ASDURF: variants seen among roughly 807,000 people sequenced by gnomAD.
The protein encoded by ASDURF is ASDURF protein.
In ASDURF, 3 loss-of-function variants were observed where a neutral mutation model predicts 3.3. The ratio of observed to expected loss-of-function variants is 0.92; its 90% CI spans 0.42 to 2.37. The LOEUF (loss-of-function observed/expected upper bound fraction) is 2.37, where lower values mean the gene tolerates loss of function less well. Ranked by LOEUF, ASDURF falls within the 30% of genes most tolerant of loss-of-function variation. The pLI, the probability that ASDURF is intolerant of heterozygous loss-of-function variation, is 0.05. For missense variants in ASDURF, 23 were observed against 25.4 expected, an observed-to-expected ratio of 0.90 and a Z score of 0.21; for synonymous variants, 11 against 8.3, an observed-to-expected ratio of 1.32 and a Z score of -0.55.
chr2:189,664,009 A>G (rs1335676308), intron 2 of ASDURF, 55 bp downstream of exon 2: 14 of 374,008 alleles, frequency 3.7e-5, no homozygotes, highest in Admixed American at 2.3e-4. Flanking sequence ...TATGTTAACT[A>G]TATATTAAAG....
At position 189,665,644 on chromosome 2, in the gene ASDURF, A is replaced by ATATATG. The variant is rs1455945789; in HGVS notation, c.220+196_220+197insATGTAT. ...TATATATATATATATATATATATATATATTATAAATGTTTTAGAAAGCAAT... is the reference window on the plus strand; with the variant it reads ...TATATATATATATATATATATATATATATATGTATTATAAATGTTTTAGAAAGCAAT... On this transcript the variant is annotated intron_variant, in intron 3 of 3. Transcript: ENST00000607829. Among the ~76,000 whole-genome samples the ATATATG allele has an allele frequency of 1.9e-4, 23 of 123,746 alleles. 1 individual carries two copies. Among genetic ancestry groups the ATATATG allele is most frequent in the East Asian group, 7.2e-4 (3 of 4,178 alleles). The allele number at this position is 123,746 out of a possible 152,430, so 81.2% of individuals were successfully genotyped here. A position where few individuals can be genotyped will look rare whatever the true frequency, so the allele number is the denominator to read the frequency against.
chr2:189,665,610 A>ATATATATACATATATATATATG (rs2032776203), intron 3 of ASDURF, among the ~76,000 whole-genome samples, 159 bp downstream of exon 3: 2 of 20,258 alleles, frequency 9.9e-5, no homozygotes, highest in African/African-American at 1.7e-4. Flanking sequence ...ATATATATAT[A>ATATATATACATATATATATATG]TATATATATA....
intron 1 of ASDURF, among the ~76,000 whole-genome samples, chr2:189,662,531 G>A (rs192622729): frequency 1.3e-5 from 2 of 152,228 alleles, no homozygotes; most frequent in Admixed American, 1.3e-4. Context: ...CTCTGCCAAC[G>A]GGGGAGACAG....
chr2:189,665,559 T>G, intron 3 of ASDURF, 108 bp downstream of exon 3: 1 of 303,870 alleles, frequency 3.3e-6, no homozygotes. Flanking sequence ...TTCTTCAAAT[T>G]AGGCTTCCGA....
At chr2:189,662,827 T>C (rs1188631237) in intron 1 of ASDURF, among the ~76,000 whole-genome samples, 1 of 151,840 alleles carries the variant, frequency 6.6e-6, no homozygotes, top group Non-Finnish European at 1.5e-5. Context: ...CCCAGGCCTG[T>C]AGTCCCAGCT....
chr2:189,663,701 C>T (rs1297572458), intron 1 of ASDURF, among the ~76,000 whole-genome samples, 200 bp from the exon 2 acceptor site: 1 of 152,134 alleles, frequency 6.6e-6, no homozygotes, highest in African/African-American at 2.4e-5. Flanking sequence ...TGTTTTTTCT[C>T]CTCCAGCTTT....
Position 189,665,459 on chromosome 2 carries a change from T to C in ASDURF, c.220+8T>C. 1 of 397,486 alleles carries C rather than the reference T, an allele frequency of 2.5e-6. No individual in the cohort carries two copies. The highest frequency in any genetic ancestry group is 4.4e-6 in the Non-Finnish European group (1 of 225,474). 24.6% of individuals were successfully genotyped at this position (397,486 alleles called of 1,614,324 possible). ...TGCTGTCTGAGAGCAAGAGTAAGTT[T>C]TTTCTTTTTTGGGGTTTTTGGGGGG... On this transcript the variant is annotated splice_region_variant and intron_variant, in intron 3 of 3. Transcript: ENST00000607829.
At chr2:189,662,932 G>T in intron 1 of ASDURF, among the ~76,000 whole-genome samples, 1 of 115,234 alleles carries the variant, frequency 8.7e-6, no homozygotes, top group East Asian at 2.7e-4. Flanking sequence ...CTGGGTAACA[G>T]AGCAAGACCC....
At chr2:189,662,774 A>T (rs747772477) in intron 1 of ASDURF, among the ~76,000 whole-genome samples, 7 of 152,052 alleles carry the variant, frequency 4.6e-5, no homozygotes, top group Non-Finnish European at 1.0e-4. Flanking sequence ...CACTTAGTTG[A>T]GCCCTCCCCT....
chr2:189,666,307 G>GT lies in ASDURF; in HGVS notation c.*200dup, dbSNP rs773221358. On this transcript the variant is annotated 3_prime_UTR_variant, in exon 4 of 4. Transcript: ENST00000607829. ...TGCTCACGTCCTACACTTGAGGGGT[G>GT]TTTTGACTACCCAGCCTGTGGAAGA... 1 of 1,613,894 alleles carries GT rather than the reference G, an allele frequency of 6.2e-7. No homozygotes were observed. The highest frequency in any genetic ancestry group is 8.5e-7 in the Non-Finnish European group (1 of 1,179,920).
chr2:189,665,120 T>A (rs2032756298), intron 2 of ASDURF, among the ~76,000 whole-genome samples: 1 of 152,180 alleles, frequency 6.6e-6, no homozygotes, highest in South Asian at 2.1e-4. Context: ...AATATATTGC[T>A]CATTGATAAA....
chr2:189,665,493 T>C, intron 3 of ASDURF, 42 bp downstream of exon 3: 1 of 393,722 alleles, frequency 2.5e-6, no homozygotes. Flanking sequence ...GGTGCCTAAA[T>C]TATACTCATC....
intron 3 of ASDURF, 145 bp downstream of exon 3, chr2:189,665,596 GTGTATATATATATA>G (rs796781089): frequency 0.086 from 9,609 of 111,416 alleles, 876 homozygotes; most frequent in East Asian, 0.17. Context: ...ATATATATAT[GTGTATATATATATA>G]TATATATATA....
rs746742216 is a variant in ASDURF, at chr2:189,663,035, G to A, written c.91-866G>A. 4.4e-4 allele frequency among the ~76,000 whole-genome samples: 66 copies of A among 151,472 alleles called. No individual in the cohort carries two copies. The Middle Eastern group carries it at 0.014, about 32-fold the overall frequency. ...TAAAAAGAGGGAAAAATACCAAGAT[G>A]GAACATGATAGGTCTTACTGTCCCC... is the stretch of plus-strand genomic sequence containing the variant. On this transcript the variant is annotated intron_variant, in intron 1 of 3. Transcript: ENST00000607829.
At chr2:189,664,368 T>A (rs28546300) in intron 2 of ASDURF, among the ~76,000 whole-genome samples, 1 of 152,198 alleles carries the variant, frequency 6.6e-6, no homozygotes, top group East Asian at 1.9e-4. Flanking sequence ...CTCCAAAAAA[T>A]TTTTACATAG....
chr2:189,663,287 C>G (rs2032712473), intron 1 of ASDURF, among the ~76,000 whole-genome samples: 2 of 151,650 alleles, frequency 1.3e-5, no homozygotes, highest in Non-Finnish European at 2.9e-5. Context: ...GAGTTTCACT[C>G]TTGTTGCCCA....
chr2:189,666,303 G>A lies in ASDURF; in HGVS notation c.*192G>A. ...TTTCTGCTCACGTCCTACACTTGAGGGGTGTTTTGACTACCCAGCCTGTGG... is the reference window on the plus strand; with the variant it reads ...TTTCTGCTCACGTCCTACACTTGAGAGGTGTTTTGACTACCCAGCCTGTGG... On this transcript the variant is annotated 3_prime_UTR_variant, in exon 4 of 4. Coordinates refer to ENST00000607829, the MANE Select transcript of ASDURF (RefSeq NM_001353493.2). 6.2e-7 allele frequency: 1 copy of A among 1,613,984 alleles called. No individual in the cohort carries two copies. The highest frequency in any genetic ancestry group is 8.5e-7 in the Non-Finnish European group (1 of 1,179,948).
intron 1 of ASDURF, among the ~76,000 whole-genome samples, chr2:189,662,948 CAAA>C (rs67898532): frequency 1.8e-4 from 14 of 76,950 alleles, no homozygotes; most frequent in Admixed American, 3.0e-4. Context: ...GACCCTGTTT[CAAA>C]AAAAAAAAAA....
chr2:189,661,536 A>C lies in ASDURF; in HGVS notation c.16A>C (p.Thr6Pro). 5.0e-6 allele frequency: 2 copies of C among 399,228 alleles called. No individual in the cohort carries two copies. The highest frequency in any genetic ancestry group is 8.8e-6 in the Non-Finnish European group (2 of 226,244). The allele number at this position is 399,228 out of a possible 1,614,324, so 24.7% of individuals were successfully genotyped here. MPSRG[T>P]RPEDSSVLIP... ...CTCGGTGGAAATGCCCAGCCGAGGG[A>C]CGCGACCAGAGGACAGCTCTGTGCT... The change falls in exon 1 of 4, where the codon ACG becomes CCG. Residue 6 changes from threonine (T) to proline (P), a missense_variant. Physicochemically the swap from Thr to Pro is conservative, Grantham distance 38. Transcript: ENST00000607829.
Sources: gnomAD v4.1 joint callset for allele counts (sites outside exome capture counted in the v4.1 genomes callset) on GRCh38, gnomAD v4.1.1 for gene constraint, MANE v1.5 for transcripts, NCBI Gene and HGNC (gene_info 2026-07-23, HGNC 2026-07-21) for gene names.